PARN: variants seen among roughly 807,000 people sequenced by gnomAD.
PARN encodes poly(A)-specific ribonuclease.
PARN carries 71 observed loss-of-function variants against 102.8 expected under a neutral mutation model. The observed-to-expected ratio is 0.69, with a 90% confidence interval of 0.57 to 0.84. The LOEUF (loss-of-function observed/expected upper bound fraction) is 0.84. Among genes scored for constraint, PARN ranks in the 40% least tolerant of loss-of-function variants. The pLI is 0.00. For missense variants in PARN, 782 were observed against 760.9 expected (o/e 1.03, Z -0.33); for synonymous variants, 261 against 252.9 (o/e 1.03, Z -0.30).
At chr16:14,616,886 A>G (rs1971936212) in intron 6 of PARN, among the ~76,000 whole-genome samples, 1 of 152,088 alleles carries the variant, frequency 6.6e-6, no homozygotes, top group African/African-American at 2.4e-5. Flanking sequence ...TCTAAACTAC[A>G]TACCTCTTGT....
intron 21 of PARN, among the ~76,000 whole-genome samples, chr16:14,530,693 C>G (rs902916854): frequency 6.6e-6 from 1 of 152,110 alleles, no homozygotes; most frequent in African/African-American, 2.4e-5. Context: ...CGTAAACTTC[C>G]GCCTTCGTTC....
intron 21 of PARN, among the ~76,000 whole-genome samples, chr16:14,506,210 C>A (rs1964888577): frequency 6.6e-6 from 1 of 152,148 alleles, no homozygotes; most frequent in South Asian, 2.1e-4. Flanking sequence ...CTGAACTCCT[C>A]AGAAAAATGT....
rs1464072896 is a variant in PARN at position 14,503,063 on chromosome 16, GC to G, written c.1481-20237del. Reference sequence around the variant, plus strand: ...AGACGGTAGAGATATTTCACCTTCTGCCCCCCTCACCCCGCTGCGCCCCTGA... The same window carrying G: ...AGACGGTAGAGATATTTCACCTTCTGCCCCCTCACCCCGCTGCGCCCCTGA... On this transcript the variant is annotated intron_variant, in intron 21 of 23. Coordinates refer to ENST00000437198, the MANE Select transcript of PARN (RefSeq NM_002582.4). 3.9e-5 allele frequency among the ~76,000 whole-genome samples: 6 copies of G among 152,158 alleles called. 1 individual carries two copies. In the East Asian group the frequency reaches 9.7e-4, roughly 25 times the overall value.
intron 21 of PARN, among the ~76,000 whole-genome samples, chr16:14,517,375 T>C (rs966634554): frequency 6.6e-6 from 1 of 152,202 alleles, no homozygotes; most frequent in African/African-American, 2.4e-5. Context: ...AGGGGCCACA[T>C]GGGGAGAGGC....
chr16:14,547,285 A>G (rs1343406395), intron 21 of PARN, among the ~76,000 whole-genome samples: 1 of 152,078 alleles, frequency 6.6e-6, no homozygotes, highest in Non-Finnish European at 1.5e-5. Flanking sequence ...AAACACCCCA[A>G]AGCCAGCAGG....
chr16:14,581,016 A>C, intron 17 of PARN, 73 bp from the exon 18 acceptor site: 1 of 830,800 alleles, frequency 1.2e-6, no homozygotes, highest in Middle Eastern at 2.3e-4. Flanking sequence ...AGACCAAAAC[A>C]GATTTAAATT....
intron 6 of PARN, among the ~76,000 whole-genome samples, chr16:14,616,666 C>T (rs770970011): frequency 1.3e-5 from 2 of 151,980 alleles, no homozygotes; most frequent in Admixed American, 1.3e-4. Flanking sequence ...ATCATTTGAG[C>T]CCAGGAGGTC....
chr16:14,467,910 C>T (rs976724213), intron 22 of PARN, among the ~76,000 whole-genome samples: 1 of 152,204 alleles, frequency 6.6e-6, no homozygotes, highest in African/African-American at 2.4e-5. Flanking sequence ...AAGTGTGGTA[C>T]AGGATCTCCT....
intron 21 of PARN, among the ~76,000 whole-genome samples, chr16:14,525,643 G>A (rs543891811): frequency 1.3e-5 from 2 of 152,040 alleles, no homozygotes; most frequent in Non-Finnish European, 2.9e-5. Flanking sequence ...AAGGGGCCCT[G>A]CAAGCCTATG....
intron 21 of PARN, among the ~76,000 whole-genome samples, chr16:14,488,380 A>G (rs565963945): frequency 1.4e-4 from 22 of 152,358 alleles, no homozygotes; most frequent in African/African-American, 5.1e-4. Context: ...GAAAAGATCA[A>G]TAAGTTTGGC....
intron 21 of PARN, among the ~76,000 whole-genome samples, chr16:14,496,868 T>G (rs1052296369): frequency 6.6e-6 from 1 of 152,182 alleles, no homozygotes; most frequent in African/African-American, 2.4e-5. Context: ...CCTAAAACAT[T>G]AATCTATTTT....
At chr16:14,586,205 A>C in intron 14 of PARN, 113 bp downstream of exon 14, 1 of 690,010 alleles carries the variant, frequency 1.4e-6, no homozygotes, top group Non-Finnish European at 2.6e-6. Flanking sequence ...TGAACTCCCT[A>C]GGCTCAAGTG....
rs1555503273 is a variant in PARN at position 14,584,492 on chromosome 16, A to AT, written c.1006-71_1006-70insA. The AT allele has an allele frequency of 1.8e-3, 2,062 of 1,130,322 alleles. 4 individuals are homozygous for AT. Among genetic ancestry groups the AT allele is most frequent in the Non-Finnish European group, 2.1e-3 (1,598 of 759,440 alleles). The allele number at this position is 1,130,322 out of a possible 1,614,324, so 70.0% of individuals were successfully genotyped here. On this transcript the variant is annotated intron_variant, in intron 15 of 23. Transcript: ENST00000437198. ...AACAATATATTAAAGAGATTCACTG[A>AT]CCCCCCCAAAAAAAAGACAGCATCT...
chr16:14,523,223 G>GTA (rs1348920439), intron 21 of PARN, among the ~76,000 whole-genome samples: 2 of 116,528 alleles, frequency 1.7e-5, no homozygotes, highest in African/African-American at 3.4e-5. Context: ...AAACTAACAA[G>GTA]TACACACACA....
intron 21 of PARN, among the ~76,000 whole-genome samples, chr16:14,524,485 T>C (rs1239436125): frequency 6.6e-6 from 1 of 152,096 alleles, no homozygotes; most frequent in Non-Finnish European, 1.5e-5. Context: ...AAGACAAAGA[T>C]CAAGCTTGAA....
intron 23 of PARN, among the ~76,000 whole-genome samples, chr16:14,439,486 G>A (rs1960857084): frequency 6.6e-6 from 1 of 151,980 alleles, no homozygotes; most frequent in African/African-American, 2.4e-5. Context: ...TTGCTACAGT[G>A]GACCTTAATC....
In PARN at chr16:14,563,013, C is replaced by A. The variant is rs1014058845; in HGVS notation, c.1263-7304G>T. ...AATGCTGCTATTAACCCATTTCACGCAGCTATGCTCAAGAAAACGAAGTAT... is the reference window on the plus strand; with the variant it reads ...AATGCTGCTATTAACCCATTTCACGAAGCTATGCTCAAGAAAACGAAGTAT... On this transcript the variant is annotated intron_variant, in intron 18 of 23. Coordinates refer to ENST00000437198, the MANE Select transcript of PARN (RefSeq NM_002582.4). Among the ~76,000 whole-genome samples, 8 of 152,180 alleles carry A rather than the reference C, an allele frequency of 5.3e-5. 1 individual carries two copies. In the South Asian group the frequency reaches 1.7e-3, roughly 32 times the overall value.
At chr16:14,533,523 G>A (rs1966475074) in intron 21 of PARN, among the ~76,000 whole-genome samples, 1 of 149,854 alleles carries the variant, frequency 6.7e-6, no homozygotes, top group Non-Finnish European at 1.5e-5. Flanking sequence ...AACAAATCAA[G>A]TAAAATCCAT....
intron 22 of PARN, among the ~76,000 whole-genome samples, chr16:14,447,631 G>A (rs1961261140): frequency 6.6e-6 from 1 of 152,114 alleles, no homozygotes. Flanking sequence ...ATAATTAAAT[G>A]TTTCATTTTG....
Sources: allele counts gnomAD v4.1 joint callset (sites outside exome capture counted in the v4.1 genomes callset), GRCh38; gene constraint gnomAD v4.1.1; transcripts MANE v1.5; gene names NCBI Gene and HGNC (gene_info 2026-07-23, HGNC 2026-07-21).